The following LGI1 variants were observed in gnomAD, a reference collection of about 807,000 sequenced individuals.
LGI1 encodes leucine-rich glioma-inactivated protein 1.
A neutral mutation model predicts 57.7 loss-of-function variants in LGI1; 11 were observed. The ratio of observed to expected loss-of-function variants is 0.19; its 90% CI spans 0.12 to 0.32. The LOEUF is 0.32. Among genes scored for constraint, LGI1 ranks in the 10% least tolerant of loss-of-function variants. The pLI, the probability that LGI1 is intolerant of heterozygous loss-of-function variation, is 1.00. For synonymous variants in LGI1, 222 were observed against 241.9 expected (o/e 0.92, Z 0.76); for missense variants, 422 against 661.9 (o/e 0.64, Z 3.98).
intron 4 of LGI1, among the ~76,000 whole-genome samples, chr10:93,783,832 T>C (rs977272856): frequency 1.3e-5 from 2 of 151,996 alleles, no homozygotes; most frequent in African/African-American, 4.8e-5. Flanking sequence ...GCCAACATGG[T>C]GAAACCCCAT....
chr10:93,785,434 A>C (rs1217952666), intron 4 of LGI1, among the ~76,000 whole-genome samples: 2 of 152,214 alleles, frequency 1.3e-5, no homozygotes, highest in South Asian at 2.1e-4. Flanking sequence ...AGTTTTGCAG[A>C]TGTCAAAACA....
chr10:93,791,719 T>C (rs1263690995), intron 5 of LGI1: 1 of 152,208 alleles, frequency 6.6e-6, no homozygotes, highest in Non-Finnish European at 1.5e-5. Context: ...ACAGAAGCAA[T>C]GCAAATACAC....
chr10:93,789,114 T>A (rs1234386658), intron 4 of LGI1: 8 of 152,162 alleles, frequency 5.3e-5, no homozygotes, highest in African/African-American at 1.4e-4. Context: ...TTAACCTTTA[T>A]TAGAATCATT....
intron 4 of LGI1, among the ~76,000 whole-genome samples, chr10:93,783,269 G>T (rs1204173678): frequency 6.6e-6 from 1 of 152,106 alleles, no homozygotes. Flanking sequence ...CCAGCTACTC[G>T]GGAGGCTGAG....
intron 4 of LGI1, chr10:93,788,323 T>C (rs544747083): frequency 6.6e-6 from 1 of 152,366 alleles, no homozygotes; most frequent in Non-Finnish European, 1.5e-5. Context: ...TAGCAGTTCA[T>C]TCATGTGGTC....
rs143339284 is a variant in LGI1 at position 93,781,134 on chromosome 10, A to G, written c.431+3517A>G. 8.5e-3 allele frequency among the ~76,000 whole-genome samples: 1,295 copies of G among 152,050 alleles called. 17 individuals carry two copies. Among genetic ancestry groups the G allele is most frequent in the African/African-American group, 0.029 (1,205 of 41,468 alleles). On this transcript the variant is annotated intron_variant, in intron 4 of 7. Transcript: ENST00000371418. ...AGCACTTTGGGAAGCCAAGGAGGGC[A>G]GATCACTAGGTCAGGAGATCGAGAC...
At chr10:93,767,099 C>T (rs1589754213) in intron 2 of LGI1, 1 of 152,262 alleles carries the variant, frequency 6.6e-6, no homozygotes, top group Non-Finnish European at 1.5e-5. Context: ...AGAATGTGCC[C>T]TAATTCCTGG....
At chr10:93,766,662 G>A (rs976051073) in intron 2 of LGI1, 69 of 151,772 alleles carry the variant, frequency 4.5e-4, no homozygotes, top group African/African-American at 1.5e-3. Context: ...CCGCCACCAC[G>A]CCCGGCTAAT....
At position 93,787,516 on chromosome 10, in the gene LGI1, T is replaced by C. The variant is rs76285201; in HGVS notation, c.432-2583T>C. Among the ~76,000 whole-genome samples, 379 of 152,324 alleles carry C rather than the reference T, an allele frequency of 2.5e-3. 1 individual carries two copies. The highest frequency in any genetic ancestry group is 7.2e-3 in the African/African-American group (301 of 41,580). ...ATAGCTCCAAGTCTGCAGCTCTGTT[T>C]TGCCATCTGTTCTGTGGTTAGCTTG... is the stretch of plus-strand genomic sequence containing the variant. On this transcript the variant is annotated intron_variant, in intron 4 of 7. Transcript: ENST00000371418.
intron 4 of LGI1, chr10:93,789,802 GCA>G: frequency 3.2e-6 from 1 of 308,158 alleles, no homozygotes; most frequent in Non-Finnish European, 6.0e-6. Flanking sequence ...AACCCGGGAG[GCA>G]GAGGTTTCAG....
chr10:93,769,417 G>A (rs1303214051), intron 2 of LGI1: 1 of 152,106 alleles, frequency 6.6e-6, no homozygotes, highest in African/African-American at 2.4e-5. Context: ...GTCTTCTTGG[G>A]GCAGGTGACA....
At chr10:93,759,075 T>C (rs2059595791) in intron 2 of LGI1, 2 of 526,178 alleles carry the variant, frequency 3.8e-6, no homozygotes, top group Non-Finnish European at 6.8e-6. Context: ...TATGAAGTTG[T>C]TGGAATCTTG....
intron 2 of LGI1, chr10:93,762,526 C>G (rs1220397788): frequency 6.6e-6 from 1 of 152,130 alleles, no homozygotes; most frequent in African/African-American, 2.4e-5. Flanking sequence ...ATATTAGAAG[C>G]CTACAATTTA....
At chr10:93,788,391 C>T (rs1235777075) in intron 4 of LGI1, 1 of 152,194 alleles carries the variant, frequency 6.6e-6, no homozygotes, top group African/African-American at 2.4e-5. Flanking sequence ...TCTTCTGACA[C>T]CAGCCACTCT....
intron 2 of LGI1, chr10:93,776,106 G>T (rs958224142): frequency 6.6e-6 from 1 of 152,138 alleles, no homozygotes; most frequent in African/African-American, 2.4e-5. Flanking sequence ...ATTAGTACTG[G>T]CTTTTCAGAG....
In LGI1 at chr10:93,785,944, C is replaced by T. The variant is rs1419694796; in HGVS notation, c.432-4155C>T. ...TTCAGGGAACGTCGCGTGACTTGCC[C>T]TTTTTTTTTCCTGTTGCCCCTGAGC... On this transcript the variant is annotated intron_variant, in intron 4 of 7. Coordinates refer to ENST00000371418, the MANE Select transcript of LGI1 (RefSeq NM_005097.4). Among the ~76,000 whole-genome samples the T allele has an allele frequency of 3.1e-4, 14 of 44,956 alleles. 3 individuals are homozygous for T. Among genetic ancestry groups the T allele is most frequent in the African/African-American group, 4.3e-4 (14 of 32,450 alleles). The allele number at this position is 44,956 out of a possible 152,430, so 29.5% of individuals were successfully genotyped here.
intron 2 of LGI1, chr10:93,762,735 TTTAA>T (rs1236651305): frequency 1.5e-5 from 2 of 132,678 alleles, no homozygotes; most frequent in Admixed American, 7.8e-5. Flanking sequence ...TCTTTAACTT[TTTAA>T]TTAATTACTT....
In LGI1 at chr10:93,758,827, C is replaced by A; in HGVS notation, c.283C>A (p.Leu95Ile). The A allele has an allele frequency of 6.2e-7, 1 of 1,606,338 alleles. No individual in the cohort carries two copies. The highest frequency in any genetic ancestry group is 8.5e-7 in the Non-Finnish European group (1 of 1,173,306). ...GSFLFTPSLQ[L>I]LLFTSNSFDV... is the part of the protein sequence containing the mutation. ...TTTTTTATTCACGCCATCGCTGCAGCTCTTGTGAGAAATATTTATATCATG... is the reference window on the plus strand; with the variant it reads ...TTTTTTATTCACGCCATCGCTGCAGATCTTGTGAGAAATATTTATATCATG... Residue 95 changes from leucine (L) to isoleucine (I), a missense_variant, in exon 2 of 8, where the codon CTC becomes ATC. Transcript: ENST00000371418. This position sits in a 1 kb window ranked among gnomAD's most constrained non-coding sequence, Gnocchi z 4.7.
chr10:93,797,916 T>A lies in LGI1; in HGVS notation c.*113T>A. On this transcript the variant is annotated 3_prime_UTR_variant, in exon 8 of 8. Coordinates refer to ENST00000371418, the MANE Select transcript of LGI1 (RefSeq NM_005097.4). This position sits in a 1 kb window ranked among gnomAD's most constrained non-coding sequence, Gnocchi z 6.5. ...TTGCAAATGAATGCCTTTCAAACAT[T>A]GAGACTGCTAGAACCAAGCACTACC... is the stretch of plus-strand genomic sequence containing the variant. 1.3e-6 allele frequency: 1 copy of A among 790,460 alleles called. No homozygotes were observed. The highest frequency in any genetic ancestry group is 2.2e-6 in the Non-Finnish European group (1 of 455,138). 49.0% of individuals were successfully genotyped at this position (790,460 alleles called of 1,614,324 possible).
Sources: allele counts gnomAD v4.1 joint callset (sites outside exome capture counted in the v4.1 genomes callset), GRCh38; gene constraint gnomAD v4.1.1; non-coding constraint Gnocchi (gnomAD v3.1); transcripts MANE v1.5; gene names NCBI Gene and HGNC (gene_info 2026-07-23, HGNC 2026-07-21).